Variants in NME4 observed in about 807,000 individuals in gnomAD.
NME4 encodes the protein nucleoside diphosphate kinase D, mitochondrial.
In NME4, 21 loss-of-function variants were observed where a neutral mutation model predicts 16.4. The observed-to-expected ratio is 1.28, with a 90% CI of 0.91 to 1.84. The LOEUF is 1.84. Among genes scored for constraint, NME4 ranks in the 40% most tolerant of loss-of-function variants. The pLI, the probability that NME4 is intolerant of heterozygous loss-of-function variation, is 0.00. For missense variants in NME4, 316 were observed against 261.3 expected (o/e 1.21, Z -1.44); for synonymous variants, 132 against 107.5 (o/e 1.23, Z -1.41).
chr16:399,264 G>A, intron 2 of NME4, 115 bp from the exon 3 acceptor site: 1 of 1,408,130 alleles, frequency 7.1e-7, no homozygotes, highest in Non-Finnish European at 1.0e-6. Flanking sequence ...TCTGCGGTGG[G>A]GGTGCTGCCC....
intron 1 of NME4, 150 bp from the exon 2 acceptor site, chr16:398,840 T>C (rs2054600656): frequency 9.7e-7 from 1 of 1,029,658 alleles, no homozygotes; most frequent in Admixed American, 2.3e-5. Context: ...TGTTTGTGGC[T>C]GTGGGCACCA....
chr16:398,443 T>TG lies in NME4; in HGVS notation c.92-544dup, dbSNP rs2054593932. 6.7e-5 allele frequency: 79 copies of TG among 1,182,960 alleles called. No homozygotes were observed. The South Asian group carries it at 1.1e-3, about 17-fold the overall frequency. The allele number at this position is 1,182,960 out of a possible 1,614,324, so 73.3% of individuals were successfully genotyped here. Reference sequence around the variant, plus strand: ...CCACTCATTCACCTCAGACACAGGGTGGGCTCTGGGTTCTTCCTCATGTGG... The same window carrying TG: ...CCACTCATTCACCTCAGACACAGGGTGGGGCTCTGGGTTCTTCCTCATGTGG... On this transcript the variant is annotated intron_variant, in intron 1 of 4. Coordinates refer to ENST00000219479, the MANE Select transcript of NME4 (RefSeq NM_005009.3).
At chr16:398,793 T>C (rs1032183685) in intron 1 of NME4, 197 bp from the exon 2 acceptor site, 7 of 690,832 alleles carry the variant, frequency 1.0e-5, no homozygotes, top group African/African-American at 5.4e-5. Flanking sequence ...TGGGGACACA[T>C]TGCCTTGGGT....
rs28676738 is a variant in NME4, at chr16:398,916, C to G, written c.92-74C>G. ...CCTGAAGCCTGGTGACCCCTGGGCT[C>G]TGGCTGGGAAACCCGGGTCGTGGGG... On this transcript the variant is annotated intron_variant, in intron 1 of 4. Coordinates refer to ENST00000219479, the MANE Select transcript of NME4 (RefSeq NM_005009.3). 2.6e-4 allele frequency: 407 copies of G among 1,588,158 alleles called. 1 individual carries two copies. The African/African-American group carries it at 4.3e-3, about 17-fold the overall frequency.
intron 1 of NME4, among the ~76,000 whole-genome samples, chr16:397,562 G>T (rs77946093): frequency 0.51 from 52,398 of 102,936 alleles, 15,312 homozygotes; most frequent in African/African-American, 0.81. Flanking sequence ...CGAGTTGGCA[G>T]CCTGGGCGGG....
At chr16:398,757 T>C (rs547941328) in intron 1 of NME4, 9 of 605,868 alleles carry the variant, frequency 1.5e-5, no homozygotes, top group Admixed American at 3.2e-5. Context: ...GGAGGAGCCA[T>C]GGCCCCTGGG....
chr16:398,716 G>A (rs1409137112), intron 1 of NME4: 2 of 537,460 alleles, frequency 3.7e-6, no homozygotes, highest in African/African-American at 3.8e-5. Context: ...CTGAACCTCG[G>A]GGCGATCTCA....
At chr16:397,880 G>A (rs1410237996) in intron 1 of NME4, 1 of 1,554,836 alleles carries the variant, frequency 6.4e-7, no homozygotes, top group African/African-American at 1.4e-5. Flanking sequence ...ATGTCCCAGG[G>A]CTCCCTCCAT....
At chr16:396,835 AGTCT>A, upstream of NME4, 1 of 152,156 alleles carries the variant, frequency 6.6e-6, no homozygotes, top group Non-Finnish European at 1.5e-5. Flanking sequence ...TTTGAGACAG[AGTCT>A]TGCTCTATTG....
chr16:400,619 G>T lies in NME4; in HGVS notation c.*277G>T. 2.5e-6 allele frequency: 1 copy of T among 402,418 alleles called. No individual in the cohort carries two copies. The allele number at this position is 402,418 out of a possible 1,614,324, so 24.9% of individuals were successfully genotyped here. On this transcript the variant is annotated 3_prime_UTR_variant, in exon 5 of 5. Coordinates refer to ENST00000219479, the MANE Select transcript of NME4 (RefSeq NM_005009.3). ...CATTATCATAACCTCTCCTCTAAAG[G>T]GGAGGCATTAAAATTCACTGTGCCC...
Position 397,272 on chromosome 16 carries a change from C to G in NME4, c.50C>G (p.Pro17Arg), listed in dbSNP as rs1211852316. Residue 17 changes from proline to arginine, a missense_variant, in exon 1 of 5, where the codon CCG becomes CGG. Physicochemically the swap from Pro to Arg is moderately radical, Grantham distance 103. Coordinates refer to ENST00000219479, the MANE Select transcript of NME4 (RefSeq NM_005009.3). ...GCGCTGCGGGGGCTGCGCTGCGGCC[C>G]GCGGGCCCCGGGCCCGAGCCTGCTA... ...RSALRGLRCG[P>R]RAPGPSLLVR... The G allele has an allele frequency of 1.0e-5, 11 of 1,055,464 alleles. No individual in the cohort carries two copies. In the East Asian group the frequency reaches 5.6e-4, roughly 54 times the overall value. 65.4% of individuals were successfully genotyped at this position (1,055,464 alleles called of 1,614,324 possible). A position where few individuals can be genotyped will look rare whatever the true frequency, so the allele number is the denominator to read the frequency against.
chr16:398,295 C>A, intron 1 of NME4: 1 of 1,354,002 alleles, frequency 7.4e-7, no homozygotes, highest in South Asian at 1.2e-5. Flanking sequence ...CACAGCAGCA[C>A]AGGCCCCGTC....
chr16:399,750 C>A lies in NME4; in HGVS notation c.440+11C>A. 1 of 1,603,330 alleles carries A rather than the reference C, an allele frequency of 6.2e-7. No individual in the cohort carries two copies. Among genetic ancestry groups the A allele is most frequent in the Non-Finnish European group, 8.5e-7 (1 of 1,171,528 alleles). On this transcript the variant is annotated intron_variant, in intron 4 of 4. Coordinates refer to ENST00000219479, the MANE Select transcript of NME4 (RefSeq NM_005009.3). ...CGTCCACATCAGCAGGTACGGGGGT[C>A]CTGATACACCAGGCTGCTGCTGGGG...
intron 2 of NME4, 73 bp from the exon 3 acceptor site, chr16:399,306 C>T (rs747067257): frequency 6.7e-6 from 10 of 1,481,552 alleles, no homozygotes; most frequent in African/African-American, 2.8e-5. Context: ...TGCCTGAGGT[C>T]AGGGCATCAC....
Position 399,398 on chromosome 16 carries a change from C to T in NME4, c.245C>T (p.Ala82Val). ...KMLQAPESVL[A>V]EHYQDLRRKP... ...ACCCAGGCACCAGAGAGCGTCCTTG[C>T]CGAGCACTACCAGGACCTGCGGAGG... The change falls in exon 3 of 5, where the codon GCC (alanine) becomes GTC (valine). Residue 82 changes from alanine (A) to valine (V), a missense_variant. Physicochemically the swap from Ala to Val is moderately conservative, Grantham distance 64. Transcript: ENST00000219479. The T allele has an allele frequency of 6.2e-7, 1 of 1,612,954 alleles. No homozygotes were observed. The highest frequency in any genetic ancestry group is 8.5e-7 in the Non-Finnish European group (1 of 1,179,960).
At chr16:400,138 A>AAG (rs766566966) in intron 4 of NME4, 81 bp from the exon 5 acceptor site, 17 of 1,427,806 alleles carry the variant, frequency 1.2e-5, no homozygotes, top group Middle Eastern at 3.5e-4. Flanking sequence ...GACAGAGGGC[A>AAG]ACGGGAGCAG....
In NME4 at chr16:397,795, A is replaced by C. The variant is rs933555149; in HGVS notation, c.91+482A>C. On this transcript the variant is annotated intron_variant, in intron 1 of 4. Coordinates refer to ENST00000219479, the MANE Select transcript of NME4 (RefSeq NM_005009.3). The stretch of plus-strand genomic sequence containing the variant: ...GAAGGCCAAGTTAGGCCAGAATCTG[A>C]CTGGGACGTCAGGCCCCAAGTCCCC... 44 of 1,367,178 alleles carry C rather than the reference A, an allele frequency of 3.2e-5. No homozygotes were observed. In the African/African-American group the frequency reaches 7.4e-4, roughly 23 times the overall value. The allele number at this position is 1,367,178 out of a possible 1,614,324, so 84.7% of individuals were successfully genotyped here.
At chr16:397,995 A>G (rs1385779222) in intron 1 of NME4, 2 of 1,541,736 alleles carry the variant, frequency 1.3e-6, no homozygotes, top group Admixed American at 2.0e-5. Context: ...GAACAAACCA[A>G]CCAGGGGGTC....
chr16:398,949 A>C, intron 1 of NME4, 41 bp from the exon 2 acceptor site: 1 of 1,605,630 alleles, frequency 6.2e-7, no homozygotes, highest in South Asian at 1.1e-5. Flanking sequence ...GGGACGTGAA[A>C]GGGTGAGGTG....
Sources: gnomAD v4.1 joint callset for allele counts (sites outside exome capture counted in the v4.1 genomes callset) on GRCh38, gnomAD v4.1.1 for gene constraint, MANE v1.5 for transcripts, NCBI Gene and HGNC (gene_info 2026-07-23, HGNC 2026-07-21) for gene names.